Variants in SUMF1 observed in about 807,000 individuals in gnomAD.
The protein encoded by SUMF1 is formylglycine-generating enzyme.
In SUMF1, 48 loss-of-function variants were observed where a neutral mutation model predicts 47.6. That is an observed-to-expected ratio of 1.01 (90% confidence interval 0.80 to 1.28). The LOEUF (loss-of-function observed/expected upper bound fraction) is 1.28, where lower values mean the gene tolerates loss of function less well. SUMF1 is among the 50% of genes most tolerant of loss of function. SUMF1 has a pLI of 0.00. For missense variants in SUMF1, 571 were observed against 485.4 expected, an observed-to-expected ratio of 1.18 and a Z score of -1.66; for synonymous variants, 230 against 192.1, an observed-to-expected ratio of 1.20 and a Z score of -1.63.
At chr3:4,056,189 C>T (rs754247078) in intron 9 of SUMF1, among the ~76,000 whole-genome samples, 2 of 152,130 alleles carry the variant, frequency 1.3e-5, no homozygotes, top group African/African-American at 2.4e-5. Context: ...GGGATGTAGA[C>T]ATCTTTAGGG....
intron 7 of SUMF1, among the ~76,000 whole-genome samples, chr3:4,401,244 T>C (rs909073670): frequency 4.6e-5 from 7 of 152,166 alleles, no homozygotes; most frequent in Admixed American, 3.9e-4. Context: ...TTCCAAGTCT[T>C]TGCTCTTGTG....
At chr3:4,050,760 A>AG (rs1262736407) in intron 9 of SUMF1, among the ~76,000 whole-genome samples, 1 of 151,044 alleles carries the variant, frequency 6.6e-6, no homozygotes, top group Non-Finnish European at 1.5e-5. Flanking sequence ...AAAAAAAAAA[A>AG]AAAAAAGAAA....
At chr3:4,326,637 C>T (rs1698952184) in intron 8 of SUMF1, among the ~76,000 whole-genome samples, 1 of 151,374 alleles carries the variant, frequency 6.6e-6, no homozygotes. Context: ...CATGCCTCAG[C>T]TTCCTGAGTA....
intron 8 of SUMF1, among the ~76,000 whole-genome samples, chr3:4,328,122 G>A (rs1462552677): frequency 1.3e-5 from 2 of 152,164 alleles, no homozygotes; most frequent in Admixed American, 6.5e-5. Flanking sequence ...GGAGGCTGAG[G>A]TGGGAGGATT....
intron 8 of SUMF1, among the ~76,000 whole-genome samples, chr3:4,312,052 A>AT (rs538944452): frequency 1.3e-5 from 2 of 152,106 alleles, no homozygotes; most frequent in Non-Finnish European, 2.9e-5. Flanking sequence ...TAAATGACAG[A>AT]TTTTTTTCAT....
rs911788421 is a variant in SUMF1, at chr3:4,149,919, C to T, written c.1015-81174G>A. ...AAGAAATGCATCACCTCAATGGGTACATATTTATAACAGTTGATTTCATTT... is the reference window on the plus strand; with the variant it reads ...AAGAAATGCATCACCTCAATGGGTATATATTTATAACAGTTGATTTCATTT... On this transcript the variant is annotated intron_variant and NMD_transcript_variant, in intron 8 of 12. Coordinates refer to the SUMF1 transcript ENST00000448413. Among the ~76,000 whole-genome samples, 62 of 152,164 alleles carry T rather than the reference C, an allele frequency of 4.1e-4. 1 individual carries two copies. Among genetic ancestry groups the T allele is most frequent in the African/African-American group, 1.3e-3 (54 of 41,496 alleles).
intron 8 of SUMF1, among the ~76,000 whole-genome samples, chr3:4,163,669 A>G (rs1027331579): frequency 5.9e-5 from 9 of 151,576 alleles, no homozygotes; most frequent in Non-Finnish European, 1.0e-4. Flanking sequence ...TGCCATGCTC[A>G]AGGTCTAGAG....
At chr3:4,073,306 G>A (rs974111579) in intron 8 of SUMF1, among the ~76,000 whole-genome samples, 1 of 152,128 alleles carries the variant, frequency 6.6e-6, no homozygotes, top group Non-Finnish European at 1.5e-5. Flanking sequence ...GTCACCATCA[G>A]GCCTGCCTTA....
chr3:4,404,981 G>A (rs764626426), intron 7 of SUMF1, among the ~76,000 whole-genome samples: 1 of 152,148 alleles, frequency 6.6e-6, no homozygotes, highest in Non-Finnish European at 1.5e-5. Context: ...TTGCCAGACT[G>A]AGAAAATGGC....
chr3:4,239,673 G>C (rs1222527004), intron 8 of SUMF1, among the ~76,000 whole-genome samples: 1 of 152,170 alleles, frequency 6.6e-6, no homozygotes, highest in Non-Finnish European at 1.5e-5. Context: ...ATTTTGGGCT[G>C]AGATGATGGG....
intron 8 of SUMF1, among the ~76,000 whole-genome samples, chr3:4,197,620 G>T (rs1028082674): frequency 6.6e-6 from 1 of 152,122 alleles, no homozygotes. Context: ...GGTCCCCCAA[G>T]GAATGGCGGA....
chr3:4,275,176 G>A (rs1210191005), intron 8 of SUMF1, among the ~76,000 whole-genome samples: 1 of 152,110 alleles, frequency 6.6e-6, no homozygotes, highest in Non-Finnish European at 1.5e-5. Flanking sequence ...AAAAAGACCT[G>A]ATCGTGGTAG....
chr3:4,176,708 T>C (rs1393993784), intron 8 of SUMF1, among the ~76,000 whole-genome samples: 1 of 152,146 alleles, frequency 6.6e-6, no homozygotes, highest in Non-Finnish European at 1.5e-5. Context: ...TAAATGTAAA[T>C]GGGCTAAATG....
chr3:4,343,811 T>C (rs1699319388), intron 8 of SUMF1, among the ~76,000 whole-genome samples: 1 of 152,162 alleles, frequency 6.6e-6, no homozygotes, highest in South Asian at 2.1e-4. Flanking sequence ...GGAATTTATC[T>C]CACAGAAATA....
chr3:4,208,139 G>A (rs1695693439), intron 8 of SUMF1, among the ~76,000 whole-genome samples: 1 of 152,014 alleles, frequency 6.6e-6, no homozygotes, highest in African/African-American at 2.4e-5. Context: ...CTAAATTGCT[G>A]GGGTTTTACC....
chr3:4,387,838 T>C (rs1215247606), intron 7 of SUMF1, among the ~76,000 whole-genome samples: 1 of 152,062 alleles, frequency 6.6e-6, no homozygotes, highest in African/African-American at 2.4e-5. Flanking sequence ...TAAGGATTAT[T>C]TAGAAGCGTG....
intron 8 of SUMF1, among the ~76,000 whole-genome samples, chr3:4,113,709 C>A (rs79564619): frequency 1.3e-5 from 2 of 151,826 alleles, no homozygotes; most frequent in Non-Finnish European, 2.9e-5. Context: ...CTCTTAACAA[C>A]AGGAAAAAAC....
At chr3:4,119,988 A>G (rs1693503322) in intron 8 of SUMF1, among the ~76,000 whole-genome samples, 1 of 152,144 alleles carries the variant, frequency 6.6e-6, no homozygotes. Context: ...CTTTTTAGGA[A>G]ATGTTAACAA....
chr3:4,372,185 C>T (rs998480377), intron 8 of SUMF1, among the ~76,000 whole-genome samples: 3 of 152,072 alleles, frequency 2.0e-5, no homozygotes, highest in African/African-American at 4.8e-5. Context: ...CCTGTAATCC[C>T]GGCTACTCAG....
Sources: gnomAD v4.1 joint callset for allele counts (sites outside exome capture counted in the v4.1 genomes callset) on GRCh38, gnomAD v4.1.1 for gene constraint, MANE v1.5 for transcripts, NCBI Gene and HGNC (gene_info 2026-07-23, HGNC 2026-07-21) for gene names.